KDM7A: variants seen among roughly 807,000 people sequenced by gnomAD.
KDM7A encodes the protein lysine-specific demethylase 7A.
In KDM7A, 28 loss-of-function variants were observed where a neutral mutation model predicts 114.8. That is an observed-to-expected ratio of 0.24 (90% CI 0.18 to 0.33). KDM7A has a LOEUF of 0.33. KDM7A is among the 10% of genes least tolerant of loss of function. The probability of loss-of-function intolerance (pLI) is 1.00; values close to 1 mark genes in which losing one functional copy is unlikely to be tolerated. For missense variants in KDM7A, 942 were observed against 1,142.5 expected, an observed-to-expected ratio of 0.82 and a Z score of 2.53; for synonymous variants, 423 against 397.8, an observed-to-expected ratio of 1.06 and a Z score of -0.75.
At position 140,127,559 on chromosome 7, in the gene KDM7A, A is replaced by G; in HGVS notation, c.584T>C (p.Ile195Thr). The G allele has an allele frequency of 6.2e-7, 1 of 1,614,054 alleles. No homozygotes were observed. Among genetic ancestry groups the G allele is most frequent in the Non-Finnish European group, 8.5e-7 (1 of 1,179,954 alleles). The change falls in exon 5 of 20, where the codon ATT becomes ACT. Residue 195 changes from isoleucine to threonine, a missense_variant. Physicochemically the swap from Ile to Thr is moderately conservative, Grantham distance 89 (BLOSUM62 -1). Coordinates refer to ENST00000397560, the MANE Select transcript of KDM7A (RefSeq NM_030647.2). Reference sequence around the variant, plus strand: ...GCTGTCTGCCTGCCTCGCCACATCAATGACATCTATCACTTTGTCACCACC... The same window carrying G: ...GCTGTCTGCCTGCCTCGCCACATCAGTGACATCTATCACTTTGTCACCACC... ...YVGGDKVIDV[I>T]DVARQADSKM...
chr7:140,096,789 CAA>C, intron 16 of KDM7A, 26 bp from the exon 17 acceptor site: 2 of 1,602,710 alleles, frequency 1.2e-6, no homozygotes, highest in South Asian at 2.2e-5. Flanking sequence ...TCCAAAAACA[CAA>C]GAGTCTATTT....
chr7:140,170,180 A>T (rs972387937), intron 1 of KDM7A, among the ~76,000 whole-genome samples: 2 of 150,992 alleles, frequency 1.3e-5, no homozygotes, highest in Admixed American at 1.3e-4. Context: ...AATAAAAAAA[A>T]TCCATTTATA....
chr7:140,161,220 G>A (rs560767174), intron 1 of KDM7A, among the ~76,000 whole-genome samples: 107 of 152,340 alleles, frequency 7.0e-4, no homozygotes, highest in African/African-American at 2.4e-3. Flanking sequence ...TGACAAGTGA[G>A]GCACTCTGGC....
chr7:140,091,952 AT>A lies in KDM7A; in HGVS notation c.2582del (p.Asn861IlefsTer4). ...GGCACGCCCCCGAAGTCAGGTTTGAATTCTGCATATACTTTCCATTCTGAAG... is the reference window on the plus strand; with the variant it reads ...GGCACGCCCCCGAAGTCAGGTTTGAATCTGCATATACTTTCCATTCTGAAG... ...SSLQNGKYMQ[N>X]SNLTSGACQI... On this transcript the variant is annotated frameshift_variant, in exon 19 of 20. Transcript: ENST00000397560. LOFTEE classifies it high-confidence loss of function. The A allele has an allele frequency of 6.2e-7, 1 of 1,613,862 alleles. No individual in the cohort carries two copies. Among genetic ancestry groups the A allele is most frequent in the Non-Finnish European group, 8.5e-7 (1 of 1,180,008 alleles).
At chr7:140,094,494 G>GA (rs2116736822) in intron 17 of KDM7A, among the ~76,000 whole-genome samples, 1 of 151,554 alleles carries the variant, frequency 6.6e-6, no homozygotes, top group Non-Finnish European at 1.5e-5. Flanking sequence ...AACAGAGTGA[G>GA]ACTCCATCTT....
intron 1 of KDM7A, among the ~76,000 whole-genome samples, chr7:140,156,265 T>G (rs1488254226): frequency 6.6e-6 from 1 of 152,238 alleles, no homozygotes; most frequent in Non-Finnish European, 1.5e-5. Context: ...TTGACAGCCA[T>G]GTTCACAATA....
At chr7:140,121,413 A>G (rs527601783) in intron 7 of KDM7A, among the ~76,000 whole-genome samples, 62 of 152,336 alleles carry the variant, frequency 4.1e-4, no homozygotes, top group African/African-American at 1.4e-3. Context: ...CTGTAACACA[A>G]AACAAAAAAC....
chr7:140,104,637 G>A (rs1460001682), intron 11 of KDM7A, among the ~76,000 whole-genome samples: 1 of 152,176 alleles, frequency 6.6e-6, no homozygotes, highest in Non-Finnish European at 1.5e-5. Flanking sequence ...GCTCTGTTCT[G>A]TTCCATTGGT....
chr7:140,115,839 T>C (rs1232291268), intron 9 of KDM7A, among the ~76,000 whole-genome samples: 1 of 138,136 alleles, frequency 7.2e-6, no homozygotes, highest in South Asian at 2.2e-4. Context: ...AATAAAACAT[T>C]AATAGTACAA....
At position 140,098,866 on chromosome 7, in the gene KDM7A, T is replaced by TA. The variant is rs775158510; in HGVS notation, c.1918+12dup. ...ATCAAAAGATCTTTAAAATAACCAT[T>TA]AAAAAAACATACCATTCAGTGGTTT... On this transcript the variant is annotated intron_variant, in intron 14 of 19. Coordinates refer to ENST00000397560, the MANE Select transcript of KDM7A (RefSeq NM_030647.2). The TA allele has an allele frequency of 3.8e-6, 6 of 1,595,006 alleles. No individual in the cohort carries two copies. Among genetic ancestry groups the TA allele is most frequent in the South Asian group, 3.4e-5 (3 of 89,230 alleles).
At chr7:140,100,661 T>TATATATAC in intron 12 of KDM7A, among the ~76,000 whole-genome samples, 1 of 40,736 alleles carries the variant, frequency 2.5e-5, no homozygotes, top group Non-Finnish European at 5.3e-5. Context: ...TTTAAAAAGT[T>TATATATAC]ATATATATAT....
intron 9 of KDM7A, among the ~76,000 whole-genome samples, chr7:140,114,239 C>T (rs1356278029): frequency 1.3e-5 from 2 of 152,170 alleles, no homozygotes; most frequent in Admixed American, 1.3e-4. Context: ...ACTGTACTGC[C>T]GCCATCTCGG....
chr7:140,166,658 A>G (rs907286859), intron 1 of KDM7A, among the ~76,000 whole-genome samples: 1 of 152,194 alleles, frequency 6.6e-6, no homozygotes, highest in Non-Finnish European at 1.5e-5. Context: ...TTAATACGAC[A>G]AATTAGTACT....
intron 19 of KDM7A, 141 bp downstream of exon 19, chr7:140,091,663 C>T: frequency 1.1e-6 from 1 of 899,586 alleles, no homozygotes; most frequent in Non-Finnish European, 1.8e-6. Flanking sequence ...CCTGTAGTAG[C>T]CTGTGTATAC....
At chr7:140,115,544 T>C (rs1818512978) in intron 9 of KDM7A, among the ~76,000 whole-genome samples, 1 of 152,162 alleles carries the variant, frequency 6.6e-6, no homozygotes, top group Non-Finnish European at 1.5e-5. Flanking sequence ...CAGGGTTAAA[T>C]GGATTAAGGG....
intron 17 of KDM7A, among the ~76,000 whole-genome samples, 158 bp downstream of exon 17, chr7:140,096,397 C>A (rs541279828): frequency 1.3e-5 from 2 of 152,306 alleles, no homozygotes; most frequent in African/African-American, 2.4e-5. Flanking sequence ...TTCCATCTTA[C>A]GTGATATGTC....
intron 1 of KDM7A, among the ~76,000 whole-genome samples, chr7:140,152,539 ACTTGATCC>A (rs75473335): frequency 0.2 from 29,663 of 151,374 alleles, 3,542 homozygotes; most frequent in East Asian, 0.31. Flanking sequence ...CGTGAGAATC[ACTTGATCC>A]CGGGAGGCGG....
intron 1 of KDM7A, among the ~76,000 whole-genome samples, chr7:140,154,930 A>G: frequency 6.6e-6 from 1 of 152,122 alleles, no homozygotes; most frequent in East Asian, 1.9e-4. Flanking sequence ...ATGTTTTGCA[A>G]TTTTACAATT....
chr7:140,148,499 G>A (rs1794366517), intron 1 of KDM7A, among the ~76,000 whole-genome samples: 2 of 152,116 alleles, frequency 1.3e-5, no homozygotes, highest in African/African-American at 2.4e-5. Context: ...TGCTTAGAAT[G>A]AAACTGTAGA....
Sources: allele counts gnomAD v4.1 joint callset (sites outside exome capture counted in the v4.1 genomes callset), GRCh38; gene constraint gnomAD v4.1.1; transcripts MANE v1.5; gene names NCBI Gene and HGNC (gene_info 2026-07-23, HGNC 2026-07-21).